Variants in ATRNL1 observed in about 807,000 individuals in gnomAD.
ATRNL1 encodes attractin like 1.
Under a neutral mutation model 182.7 loss-of-function variants are expected in ATRNL1, and 95 were observed. The ratio of observed to expected loss-of-function variants is 0.52; its 90% confidence interval spans 0.44 to 0.62. The LOEUF is 0.62. Ranked by LOEUF, ATRNL1 falls within the 20% of genes least tolerant of loss-of-function variation. The pLI, the probability that ATRNL1 is intolerant of heterozygous loss-of-function variation, is 0.00. For synonymous variants in ATRNL1, 576 were observed against 568.3 expected (o/e 1.01, Z -0.19); for missense variants, 1,471 against 1,679.5 (o/e 0.88, Z 2.17).
At chr10:115,912,919 C>T (rs1269836520) in intron 28 of ATRNL1, among the ~76,000 whole-genome samples, 3 of 152,080 alleles carry the variant, frequency 2.0e-5, no homozygotes, top group African/African-American at 7.2e-5. Context: ...ACTTACTAAC[C>T]GTGTGGCCAT....
chr10:115,256,126 T>C (rs1448708820), intron 10 of ATRNL1, among the ~76,000 whole-genome samples: 1 of 152,212 alleles, frequency 6.6e-6, no homozygotes, highest in Non-Finnish European at 1.5e-5. Context: ...TACCAGGCTT[T>C]GGTATCAGGA....
rs545982780 is a variant in ATRNL1, at chr10:115,208,960, A to T, written c.1349-6737A>T. 1.3e-4 allele frequency among the ~76,000 whole-genome samples: 20 copies of T among 152,002 alleles called. No homozygotes were observed. The South Asian group carries it at 4.1e-3, about 32-fold the overall frequency. ...TCACTGAGTTTCTGTTTACCTTACA[A>T]GTAATCAGGGTAATTCATTATGAAA... is the stretch of plus-strand genomic sequence containing the variant. On this transcript the variant is annotated intron_variant, in intron 8 of 28. Coordinates refer to ENST00000355044, the MANE Select transcript of ATRNL1 (RefSeq NM_207303.4).
intron 18 of ATRNL1, among the ~76,000 whole-genome samples, chr10:115,320,735 A>G (rs1193496699): frequency 6.6e-6 from 1 of 151,122 alleles, no homozygotes; most frequent in Non-Finnish European, 1.5e-5. Flanking sequence ...TTTTTTTTTC[A>G]GCTCCATCAG....
chr10:115,889,099 C>T (rs1403866123), intron 28 of ATRNL1, among the ~76,000 whole-genome samples: 3 of 152,180 alleles, frequency 2.0e-5, no homozygotes, highest in African/African-American at 7.2e-5. Context: ...TATTCAACCT[C>T]TCCCATATTT....
At chr10:115,788,111 C>A (rs541487669) in intron 27 of ATRNL1, among the ~76,000 whole-genome samples, 1 of 152,276 alleles carries the variant, frequency 6.6e-6, no homozygotes, top group African/African-American at 2.4e-5. Context: ...ATACTCCTAA[C>A]AAAAATGTAA....
At chr10:115,289,085 G>A (rs1410551042) in intron 15 of ATRNL1, among the ~76,000 whole-genome samples, 3 of 152,162 alleles carry the variant, frequency 2.0e-5, no homozygotes, top group Non-Finnish European at 2.9e-5. Context: ...ATGGCAAAAG[G>A]CAAGAAGGAG....
rs1298207958 is a variant in ATRNL1, at chr10:115,737,827, T to C, written c.3903+10472T>C. On this transcript the variant is annotated intron_variant, in intron 27 of 28. Coordinates refer to ENST00000355044, the MANE Select transcript of ATRNL1 (RefSeq NM_207303.4). ...AGTCCAGGTATAGTCTTTTAGGAAC[T>C]GTATTGACTTTTCTCTTGGTGTTTA... Among the ~76,000 whole-genome samples the C allele has an allele frequency of 5.3e-5, 8 of 152,292 alleles. No homozygotes were observed. The East Asian group carries it at 1.5e-3, about 30-fold the overall frequency.
In ATRNL1 at chr10:115,945,412, G is replaced by C. The variant is rs1389660287; in HGVS notation, c.*633G>C. The C allele has an allele frequency of 6.6e-6, 1 of 152,132 alleles. No homozygotes were observed. The highest frequency in any genetic ancestry group is 1.5e-5 in the Non-Finnish European group (1 of 68,040). The allele number at this position is 152,132 out of a possible 1,614,324, so 9.4% of individuals were successfully genotyped here. ...CTCATTCTGTGCAACTTCACAGGGG[G>C]TTTATTAGAATGCTCAGTGTAGAGG... On this transcript the variant is annotated 3_prime_UTR_variant, in exon 29 of 29. Transcript: ENST00000355044.
Position 115,679,782 on chromosome 10 carries a change from T to G in ATRNL1, c.3796-47466T>G, listed in dbSNP as rs186194422. On this transcript the variant is annotated intron_variant, in intron 26 of 28. Transcript: ENST00000355044. ...TATATTTCTTACTGTTTAGGGCCTT[T>G]AGTAGTTAGCTTTTCCAAAATTGCA... 2.4e-4 allele frequency among the ~76,000 whole-genome samples: 37 copies of G among 152,258 alleles called. No individual in the cohort carries two copies. In the East Asian group the frequency reaches 7.0e-3, roughly 29 times the overall value.
intron 27 of ATRNL1, among the ~76,000 whole-genome samples, chr10:115,826,305 G>GC (rs1170733042): frequency 6.6e-6 from 1 of 152,080 alleles, no homozygotes; most frequent in Non-Finnish European, 1.5e-5. Context: ...AAGCAGGAAG[G>GC]AGTGGTACCC....
rs782664783 is a variant in ATRNL1 at position 115,581,250 on chromosome 10, TC to T, written c.3795+31715del. On this transcript the variant is annotated intron_variant, in intron 26 of 28. Transcript: ENST00000355044. ...TATGCTTATCTTAATCTCTTTTTTTTCAGTGATCCCCAATTAGTATGTGCCA... is the reference window on the plus strand; with the variant it reads ...TATGCTTATCTTAATCTCTTTTTTTTAGTGATCCCCAATTAGTATGTGCCA... Among the ~76,000 whole-genome samples the T allele has an allele frequency of 1.1e-3, 165 of 151,838 alleles. 2 individuals are homozygous for T. Among genetic ancestry groups the T allele is most frequent in the Admixed American group, 1.1e-3 (16 of 15,212 alleles).
intron 26 of ATRNL1, chr10:115,597,589 G>A: frequency 5.8e-6 from 1 of 171,344 alleles, no homozygotes; most frequent in Non-Finnish European, 1.1e-5. Context: ...TTTTTTTTTT[G>A]GAGACAGAGT....
chr10:115,327,100 A>C (rs534853308), intron 18 of ATRNL1, among the ~76,000 whole-genome samples: 327 of 151,754 alleles, frequency 2.2e-3, no homozygotes, highest in African/African-American at 2.5e-3. Flanking sequence ...TAATTAAACT[A>C]AAGAGCTTCT....
At chr10:115,103,636 A>G (rs75796507) in intron 1 of ATRNL1, among the ~76,000 whole-genome samples, 1,883 of 152,262 alleles carry the variant, frequency 0.012, 35 homozygotes, top group African/African-American at 0.042. Flanking sequence ...TTTGTGTTAT[A>G]AACAATTCAT....
At chr10:115,723,241 G>A (rs1947486618) in intron 26 of ATRNL1, among the ~76,000 whole-genome samples, 1 of 152,166 alleles carries the variant, frequency 6.6e-6, no homozygotes, top group East Asian at 1.9e-4. Flanking sequence ...GGAGAGAATA[G>A]ATAGGGAACC....
intron 19 of ATRNL1, among the ~76,000 whole-genome samples, chr10:115,338,650 G>A (rs1430785684): frequency 6.6e-6 from 1 of 152,078 alleles, no homozygotes; most frequent in African/African-American, 2.4e-5. Flanking sequence ...TGGGTAGTTT[G>A]CAAATATTCT....
chr10:115,895,761 G>T (rs1006024692), intron 28 of ATRNL1, among the ~76,000 whole-genome samples: 1 of 152,198 alleles, frequency 6.6e-6, no homozygotes, highest in Admixed American at 6.5e-5. Flanking sequence ...TACTCAAAGA[G>T]GGAACACCTA....
intron 27 of ATRNL1, among the ~76,000 whole-genome samples, chr10:115,748,727 T>C (rs1325128117): frequency 2.0e-5 from 3 of 152,002 alleles, no homozygotes; most frequent in Admixed American, 2.0e-4. Flanking sequence ...ATGTTTGTGC[T>C]GTCTACTCTC....
intron 26 of ATRNL1, among the ~76,000 whole-genome samples, chr10:115,687,172 A>G (rs1253273989): frequency 6.6e-5 from 10 of 152,126 alleles, no homozygotes; most frequent in Admixed American, 6.6e-4. Context: ...ACATTATGCT[A>G]TAATTATACA....
Sources: allele counts gnomAD v4.1 joint callset (sites outside exome capture counted in the v4.1 genomes callset), GRCh38; gene constraint gnomAD v4.1.1; transcripts MANE v1.5; gene names NCBI Gene and HGNC (gene_info 2026-07-23, HGNC 2026-07-21).